SPATA2L: variants seen among roughly 807,000 people sequenced by gnomAD.
The protein encoded by SPATA2L is spermatogenesis associated 2 like.
SPATA2L carries 5 observed loss-of-function variants against 8.7 expected under a neutral mutation model. That is an observed-to-expected ratio of 0.57 (90% CI 0.30 to 1.21). The LOEUF is 1.21. Ranked by LOEUF, SPATA2L falls within the 50% of genes most tolerant of loss-of-function variation. The pLI is 0.07. For missense variants in SPATA2L, 671 were observed against 591.0 expected (o/e 1.14, Z -1.40); for synonymous variants, 358 against 275.8 (o/e 1.30, Z -2.95).
intron 2 of SPATA2L, among the ~76,000 whole-genome samples, chr16:89,698,783 G>T (rs536598852): frequency 6.7e-6 from 1 of 150,026 alleles, no homozygotes; most frequent in Admixed American, 6.7e-5. Flanking sequence ...CACTGTGCCC[G>T]GCCTAGAATT....
chr16:89,699,553 CTT>C (rs374276446), intron 2 of SPATA2L, among the ~76,000 whole-genome samples: 43 of 142,068 alleles, frequency 3.0e-4, no homozygotes, highest in South Asian at 8.8e-4. Flanking sequence ...GGTGAGTGCT[CTT>C]TTTTTTTTTT....
At position 89,697,330 on chromosome 16, in the gene SPATA2L, T is replaced by A. The variant is rs762476058; in HGVS notation, c.*4A>T. 2.0e-6 allele frequency: 3 copies of A among 1,500,554 alleles called. No individual in the cohort carries two copies. The Admixed American group carries it at 6.8e-5, about 34-fold the overall frequency. The allele number at this position is 1,500,554 out of a possible 1,614,324, so 93.0% of individuals were successfully genotyped here. On this transcript the variant is annotated 3_prime_UTR_variant, in exon 3 of 3. Coordinates refer to ENST00000289805, the MANE Select transcript of SPATA2L (RefSeq NM_152339.4). The stretch of plus-strand genomic sequence containing the variant: ...AAGAGCCCTTGACCTGGGGCCCAGC[T>A]GGCCTAGGGCCGGGCCCCGGGGCTG...
chr16:89,701,520 C>T, intron 1 of SPATA2L, 108 bp downstream of exon 1: 1 of 379,516 alleles, frequency 2.6e-6, no homozygotes, highest in Non-Finnish European at 4.7e-6. Flanking sequence ...CCCCGGTTAT[C>T]GACCGCACCC....
chr16:89,697,649 C>A lies in SPATA2L; in HGVS notation c.960G>T (p.Gly320=), dbSNP rs200604439. The A allele has an allele frequency of 6.2e-7, 1 of 1,608,974 alleles. No homozygotes were observed. The highest frequency in any genetic ancestry group is 1.7e-5 in the Admixed American group (1 of 59,992). The change falls in exon 3 of 3, where the codon GGG becomes GGT. Residue 320 remains glycine, a synonymous_variant. Coordinates refer to ENST00000289805, the MANE Select transcript of SPATA2L (RefSeq NM_152339.4). ...LSLRRELSRP[G]DLATPESSAA... ...CAGAGCTTTCAGGGGTGGCCAGGTC[C>A]CCAGGCCTACTCAGCTCACGGCGCA...
In SPATA2L at chr16:89,698,736, C is replaced by A. The variant is rs62068366; in HGVS notation, c.304-431G>T. 4.6e-5 allele frequency among the ~76,000 whole-genome samples: 7 copies of A among 151,566 alleles called. No homozygotes were observed. The East Asian group carries it at 7.7e-4, about 17-fold the overall frequency. On this transcript the variant is annotated intron_variant, in intron 2 of 2. Transcript: ENST00000289805. ...TCCTGACCTCAAGTGATCCGCCTGC[C>A]TTGAGCTCCCAAAGTGCTGGGATTA... is the stretch of plus-strand genomic sequence containing the variant.
At position 89,701,020 on chromosome 16, in the gene SPATA2L, T is replaced by C. The variant is rs1235535752; in HGVS notation, c.213A>G (p.Leu71=). The C allele has an allele frequency of 6.4e-7, 1 of 1,571,548 alleles. No homozygotes were observed. The highest frequency in any genetic ancestry group is 1.2e-5 in the South Asian group (1 of 86,774). ...LWGRADLAPA[L]RGLARAFELL... ...GCTCGAAGGCGCGAGCCAGGCCGCG[T>C]AGCGCGGGCGCCAGGTCGGCGCGGC... The change falls in exon 2 of 3, where the codon CTA becomes CTG. Residue 71 remains leucine (L), a synonymous_variant. Transcript: ENST00000289805.
Position 89,697,263 on chromosome 16 carries a change from ACCCCT to A in SPATA2L, c.*66_*70del. 1 of 1,438,142 alleles carries A rather than the reference ACCCCT, an allele frequency of 7.0e-7. No individual in the cohort carries two copies. The highest frequency in any genetic ancestry group is 9.1e-7 in the Non-Finnish European group (1 of 1,100,312). 89.1% of individuals were successfully genotyped at this position (1,438,142 alleles called of 1,614,324 possible). On this transcript the variant is annotated 3_prime_UTR_variant, in exon 3 of 3. Coordinates refer to ENST00000289805, the MANE Select transcript of SPATA2L (RefSeq NM_152339.4). ...AGGGACAAGGCAACCAGAGGCCCAGACCCCTCCCCAGCAAAGAGAAGCACCACGGG... is the reference window on the plus strand; with the variant it reads ...AGGGACAAGGCAACCAGAGGCCCAGACCCCAGCAAAGAGAAGCACCACGGG...
Position 89,696,728 on chromosome 16 carries a change from C to T in SPATA2L, c.*606G>A, listed in dbSNP as rs1265618588. ...TGCCCGTTCCTGCGCCTCTCGTGCA[C>T]CTCCACATCTGGTTTGAGGTCAGGT... On this transcript the variant is annotated 3_prime_UTR_variant, in exon 3 of 3. Coordinates refer to ENST00000289805, the MANE Select transcript of SPATA2L (RefSeq NM_152339.4). 5 of 1,466,466 alleles carry T rather than the reference C, an allele frequency of 3.4e-6. No individual in the cohort carries two copies. Among genetic ancestry groups the T allele is most frequent in the Non-Finnish European group, 3.7e-6 (4 of 1,089,566 alleles). The allele number at this position is 1,466,466 out of a possible 1,614,324, so 90.8% of individuals were successfully genotyped here.
In SPATA2L at chr16:89,697,284, G is replaced by A. The variant is rs1190085825; in HGVS notation, c.*50C>T. The A allele has an allele frequency of 6.8e-7, 1 of 1,466,144 alleles. No individual in the cohort carries two copies. The highest frequency in any genetic ancestry group is 9.0e-7 in the Non-Finnish European group (1 of 1,114,062). The allele number at this position is 1,466,144 out of a possible 1,614,324, so 90.8% of individuals were successfully genotyped here. On this transcript the variant is annotated 3_prime_UTR_variant, in exon 3 of 3. Transcript: ENST00000289805. ...CCAGACCCCTCCCCAGCAAAGAGAA[G>A]CACCACGGGAGCTGTCTCCCAAGAG...
rs1293399401 is a variant in SPATA2L at position 89,697,259 on chromosome 16, C to G, written c.*75G>C. ...CCCCAGGGACAAGGCAACCAGAGGCCCAGACCCCTCCCCAGCAAAGAGAAG... is the reference window on the plus strand; with the variant it reads ...CCCCAGGGACAAGGCAACCAGAGGCGCAGACCCCTCCCCAGCAAAGAGAAG... On this transcript the variant is annotated 3_prime_UTR_variant, in exon 3 of 3. Transcript: ENST00000289805. The G allele has an allele frequency of 1.4e-6, 2 of 1,436,040 alleles. No individual in the cohort carries two copies. The highest frequency in any genetic ancestry group is 5.6e-5 in the Admixed American group (2 of 36,020). The allele number at this position is 1,436,040 out of a possible 1,614,324, so 89.0% of individuals were successfully genotyped here. A position where few individuals can be genotyped will look rare whatever the true frequency, so the allele number is the denominator to read the frequency against.
At chr16:89,699,811 A>G (rs2060763824) in intron 2 of SPATA2L, among the ~76,000 whole-genome samples, 3 of 152,166 alleles carry the variant, frequency 2.0e-5, no homozygotes, top group East Asian at 3.9e-4. Context: ...CGGCCTCCCA[A>G]AGAGCTGGGA....
Position 89,697,759 on chromosome 16 carries a change from C to T in SPATA2L, c.850G>A (p.Glu284Lys). 2 of 1,603,324 alleles carry T rather than the reference C, an allele frequency of 1.2e-6. No homozygotes were observed. Among genetic ancestry groups the T allele is most frequent in the Non-Finnish European group, 1.7e-6 (2 of 1,175,804 alleles). Residue 284 changes from glutamate (E) to lysine (K), a missense_variant, in exon 3 of 3, where the codon GAG (glutamate) becomes AAG (lysine). Coordinates refer to ENST00000289805, the MANE Select transcript of SPATA2L (RefSeq NM_152339.4). ...GGTGGGCTGCTGGCCTGCGGCAGCT[C>T]CTCAGCTGGGGGCTCCCAGGCCCGG... is the stretch of plus-strand genomic sequence containing the variant. ...GGRAWEPPAE[E>K]LPQASSPPYG...
intron 2 of SPATA2L, among the ~76,000 whole-genome samples, chr16:89,699,010 T>G (rs1169589468): frequency 1.3e-5 from 2 of 151,986 alleles, no homozygotes; most frequent in Non-Finnish European, 2.9e-5. Flanking sequence ...AAGGTCTTGA[T>G]CCCTTGACCT....
chr16:89,701,300 G>T (rs1401221014), intron 1 of SPATA2L, 67 bp from the exon 2 acceptor site: 9 of 1,340,976 alleles, frequency 6.7e-6, no homozygotes, highest in South Asian at 1.8e-5. Context: ...CGCTCTCCCC[G>T]AACCCTCACC....
chr16:89,697,201 G>A lies in SPATA2L; in HGVS notation c.*133C>T, dbSNP rs564163556. 10 of 1,388,480 alleles carry A rather than the reference G, an allele frequency of 7.2e-6. No individual in the cohort carries two copies. In the East Asian group the frequency reaches 1.8e-4, roughly 25 times the overall value. 86.0% of individuals were successfully genotyped at this position (1,388,480 alleles called of 1,614,324 possible). ...TCCCACCTCCAGCAAGGGTTGGCCT[G>A]GACTCTCCAACCCCCTGCTGTGCCC... On this transcript the variant is annotated 3_prime_UTR_variant, in exon 3 of 3. Coordinates refer to ENST00000289805, the MANE Select transcript of SPATA2L (RefSeq NM_152339.4).
intron 2 of SPATA2L, among the ~76,000 whole-genome samples, chr16:89,700,181 T>G (rs1445343934): frequency 6.6e-6 from 1 of 152,218 alleles, no homozygotes; most frequent in Non-Finnish European, 1.5e-5. Flanking sequence ...AGCCGGTTAT[T>G]CCCCCGCCCC....
At position 89,701,166 on chromosome 16, in the gene SPATA2L, C is replaced by T; in HGVS notation, c.67G>A (p.Ala23Thr). 1 of 1,495,216 alleles carries T rather than the reference C, an allele frequency of 6.7e-7. No individual in the cohort carries two copies. Among genetic ancestry groups the T allele is most frequent in the Non-Finnish European group, 8.9e-7 (1 of 1,125,738 alleles). 92.6% of individuals were successfully genotyped at this position (1,495,216 alleles called of 1,614,324 possible). A position where few individuals can be genotyped will look rare whatever the true frequency, so the allele number is the denominator to read the frequency against. ...CLERELRRGR[A>T]GVCGDPSLRA... ...AGCGAGGGGTCCCCGCACACGCCCG[C>T]GCGGCCCCGTCGCAGCTCGCGCTCC... Residue 23 changes from alanine (A) to threonine (T), a missense_variant, in exon 2 of 3, where the codon GCG becomes ACG. Transcript: ENST00000289805.
rs2060764061 is a variant in SPATA2L at position 89,699,839 on chromosome 16, C to T, written c.303+1091G>A. 3.3e-5 allele frequency among the ~76,000 whole-genome samples: 5 copies of T among 152,178 alleles called. 1 individual carries two copies. The South Asian group carries it at 8.3e-4, about 25-fold the overall frequency. Reference sequence around the variant, plus strand: ...AGCTGGGATTACAGGCGTGAGCCACCGCGCCCGGCCTGGCTGAGTGCTTTC... The same window carrying T: ...AGCTGGGATTACAGGCGTGAGCCACTGCGCCCGGCCTGGCTGAGTGCTTTC... On this transcript the variant is annotated intron_variant, in intron 2 of 2. Coordinates refer to ENST00000289805, the MANE Select transcript of SPATA2L (RefSeq NM_152339.4).
At position 89,698,300 on chromosome 16, in the gene SPATA2L, G is replaced by A. The variant is rs371276628; in HGVS notation, c.309C>T (p.Phe103=). ...TCAGCACGTGCACGTAGCCCCCAGA[G>A]AAGGTCTGCAAGGGAGCGGCCAGGT... The part of the protein sequence containing the change: ...WRKEFTTIKT[F]SGGYVHVLKG... The change falls in exon 3 of 3, where the codon TTC becomes TTT. Residue 103 remains phenylalanine (F), a synonymous_variant. Transcript: ENST00000289805. The A allele has an allele frequency of 6.4e-6, 10 of 1,562,590 alleles. No individual in the cohort carries two copies. In the African/African-American group the frequency reaches 1.4e-4, roughly 21 times the overall value.
Sources: gnomAD v4.1 joint callset for allele counts (sites outside exome capture counted in the v4.1 genomes callset) on GRCh38, gnomAD v4.1.1 for gene constraint, MANE v1.5 for transcripts, NCBI Gene and HGNC (gene_info 2026-07-23, HGNC 2026-07-21) for gene names.